The following C10orf90 variants were observed in gnomAD, a reference collection of about 807,000 sequenced individuals.
C10orf90 encodes chromosome 10 open reading frame 90, also known as (E2-independent) E3 ubiquitin-conjugating enzyme FATS.
Under a neutral mutation model 62.5 loss-of-function variants are expected in C10orf90, and 56 were observed. The observed-to-expected ratio is 0.90, with a 90% CI of 0.72 to 1.12. The LOEUF (loss-of-function observed/expected upper bound fraction) is 1.12, where lower values mean the gene tolerates loss of function less well. Among genes scored for constraint, C10orf90 ranks in the 50% most tolerant of loss-of-function variants. The probability of loss-of-function intolerance (pLI) is 0.00; values close to 1 mark genes in which losing one functional copy is unlikely to be tolerated. For missense variants in C10orf90, 970 were observed against 880.4 expected (o/e 1.10, Z -1.29); for synonymous variants, 386 against 340.4 (o/e 1.13, Z -1.47).
At chr10:126,476,569 C>T (rs1860881498) in intron 4 of C10orf90, among the ~76,000 whole-genome samples, 1 of 152,222 alleles carries the variant, frequency 6.6e-6, no homozygotes, top group Non-Finnish European at 1.5e-5. Context: ...GAGGCTTAGA[C>T]ATTTAATATC....
chr10:126,619,645 TTA>T (rs1845608354), intron 2 of C10orf90, among the ~76,000 whole-genome samples: 1 of 152,194 alleles, frequency 6.6e-6, no homozygotes, highest in African/African-American at 2.4e-5. Context: ...TTTTTCATTT[TTA>T]TGTTTTGTTT....
intron 2 of C10orf90, among the ~76,000 whole-genome samples, chr10:126,576,503 C>T (rs1844613544): frequency 6.6e-6 from 1 of 151,476 alleles, no homozygotes; most frequent in Admixed American, 6.6e-5. Context: ...CTTCGGAGAG[C>T]AATATGGAGG....
chr10:126,614,395 C>G (rs191851061), intron 2 of C10orf90, among the ~76,000 whole-genome samples: 18 of 152,202 alleles, frequency 1.2e-4, no homozygotes, highest in Admixed American at 8.5e-4. Flanking sequence ...CAGACTATTC[C>G]AAGGTCAAGA....
chr10:126,446,227 T>C (rs1257375129), intron 7 of C10orf90, among the ~76,000 whole-genome samples: 1 of 152,076 alleles, frequency 6.6e-6, no homozygotes, highest in Middle Eastern at 3.2e-3. Context: ...TTTAAAAATG[T>C]ACCAAAAAGC....
chr10:126,518,186 C>G (rs2133932236), intron 2 of C10orf90, among the ~76,000 whole-genome samples: 1 of 152,224 alleles, frequency 6.6e-6, no homozygotes, highest in East Asian at 1.9e-4. Context: ...CAAGGGCTCC[C>G]AAAATGTGGC....
intron 4 of C10orf90, among the ~76,000 whole-genome samples, chr10:126,490,290 C>T (rs764362239): frequency 4.6e-5 from 7 of 151,016 alleles, no homozygotes; most frequent in East Asian, 3.9e-4. Context: ...AGATATTGTA[C>T]GATTTCACTT....
intron 5 of C10orf90, 90 bp downstream of exon 5, chr10:126,464,606 G>T: frequency 7.5e-7 from 1 of 1,333,946 alleles, no homozygotes; most frequent in Non-Finnish European, 1.0e-6. Context: ...GGTGAACGGT[G>T]ACAGTATGCA....
In C10orf90 at chr10:126,504,864, C is replaced by T. The variant is rs764315520; in HGVS notation, c.627G>A (p.Pro209=). The change falls in exon 4 of 10, where the codon CCG becomes CCA. Residue 209 remains proline, a synonymous_variant. Coordinates refer to ENST00000488181, the MANE Select transcript of C10orf90 (RefSeq NM_001350921.2). This position sits in a 1 kb window ranked among gnomAD's most constrained non-coding sequence, Gnocchi z 4.1. ...CTGCCTCAGGTCCTCGCTCATCTGACGGTGCCGGGATTCCTAATCTGCCCG... is the reference window on the plus strand; with the variant it reads ...CTGCCTCAGGTCCTCGCTCATCTGATGGTGCCGGGATTCCTAATCTGCCCG... ...LLPGRLGIPA[P]SDERGPEAEL... is the part of the protein sequence containing the mutation. 11 of 1,612,644 alleles carry T rather than the reference C, an allele frequency of 6.8e-6. No individual in the cohort carries two copies. Among genetic ancestry groups the T allele is most frequent in the East Asian group, 6.7e-5 (3 of 44,846 alleles).
chr10:126,505,772 T>C (rs1258531956), intron 3 of C10orf90, among the ~76,000 whole-genome samples: 1 of 152,104 alleles, frequency 6.6e-6, no homozygotes, highest in Non-Finnish European at 1.5e-5. Flanking sequence ...CTGACCAACA[T>C]GGAGAAACCC....
chr10:126,501,378 G>A (rs1006329740), intron 4 of C10orf90, among the ~76,000 whole-genome samples: 1 of 152,190 alleles, frequency 6.6e-6, no homozygotes, highest in Admixed American at 6.5e-5. Context: ...CTGAGTGAGG[G>A]AGCACACAGC....
intron 7 of C10orf90, among the ~76,000 whole-genome samples, chr10:126,436,778 C>T (rs190272045): frequency 4.6e-5 from 7 of 152,090 alleles, no homozygotes; most frequent in African/African-American, 1.2e-4. Context: ...CCTCCCACTT[C>T]GGCCTCCCCT....
At chr10:126,497,638 G>T (rs929863083) in intron 4 of C10orf90, among the ~76,000 whole-genome samples, 11 of 152,184 alleles carry the variant, frequency 7.2e-5, no homozygotes, top group Admixed American at 5.9e-4. Flanking sequence ...CAAGTGACCT[G>T]CCCAAAGTCA....
chr10:126,521,604 G>C lies in C10orf90; in HGVS notation c.314-7665C>G, dbSNP rs1159467476. ...CGTCTCTTTGATGTTTACATTTGAG[G>C]CTTCTTTGATGAGTAAAACAAGTTT... On this transcript the variant is annotated intron_variant, in intron 2 of 9. Coordinates refer to ENST00000488181, the MANE Select transcript of C10orf90 (RefSeq NM_001350921.2). The C allele has an allele frequency of 7.2e-6, 4 of 555,612 alleles. No homozygotes were observed. The Admixed American group carries it at 1.2e-4, about 17-fold the overall frequency. The allele number at this position is 555,612 out of a possible 1,614,324, so 34.4% of individuals were successfully genotyped here.
chr10:126,640,234 G>T (rs1846033858), intron 2 of C10orf90, among the ~76,000 whole-genome samples: 1 of 152,220 alleles, frequency 6.6e-6, no homozygotes, highest in African/African-American at 2.4e-5. Flanking sequence ...TTCTGGGGGA[G>T]CCTCTGTCCC....
At chr10:126,636,505 T>C (rs1425300067) in intron 2 of C10orf90, among the ~76,000 whole-genome samples, 7 of 152,184 alleles carry the variant, frequency 4.6e-5, no homozygotes. Flanking sequence ...TGAAAAGTCA[T>C]AGGTGTGTAA....
At chr10:126,429,647 T>C (rs1857458490) in intron 8 of C10orf90, 140 bp downstream of exon 8, 2 of 656,794 alleles carry the variant, frequency 3.0e-6, no homozygotes, top group East Asian at 5.3e-5. Context: ...TTTAGCCGTT[T>C]TTTCAGATTT....
intron 3 of C10orf90, among the ~76,000 whole-genome samples, chr10:126,511,300 A>G (rs956041398): frequency 1.3e-5 from 2 of 152,226 alleles, no homozygotes; most frequent in African/African-American, 4.8e-5. Flanking sequence ...AACTCACTGC[A>G]GTGTGATATA....
chr10:126,658,598 A>G (rs935144149), intron 1 of C10orf90, among the ~76,000 whole-genome samples: 1 of 152,262 alleles, frequency 6.6e-6, no homozygotes, highest in African/African-American at 2.4e-5. Flanking sequence ...GCTGAACAGT[A>G]AAATTTGTGA....
intron 1 of C10orf90, among the ~76,000 whole-genome samples, chr10:126,663,410 G>A (rs779672672): frequency 3.3e-5 from 5 of 152,150 alleles, no homozygotes; most frequent in Admixed American, 6.5e-5. Context: ...TCCTCCTTCC[G>A]CCGCTCCTAA....
Sources: gnomAD v4.1 joint callset for allele counts (sites outside exome capture counted in the v4.1 genomes callset) on GRCh38, gnomAD v4.1.1 for gene constraint, Gnocchi (gnomAD v3.1) non-coding constraint, MANE v1.5 for transcripts, NCBI Gene and HGNC (gene_info 2026-07-23, HGNC 2026-07-21) for gene names.